Variants in STXBP5L observed in about 807,000 individuals in gnomAD.
The protein encoded by STXBP5L is syntaxin binding protein 5L.
Under a neutral mutation model 144.5 loss-of-function variants are expected in STXBP5L, and 65 were observed. That is an observed-to-expected ratio of 0.45 (90% confidence interval 0.37 to 0.55). The LOEUF is 0.55. STXBP5L is among the 20% of genes least tolerant of loss of function. STXBP5L has a pLI of 0.00. For missense variants in STXBP5L, 1,298 were observed against 1,405.5 expected (o/e 0.92, Z 1.22); for synonymous variants, 505 against 469.6 (o/e 1.08, Z -0.97).
chr3:120,991,030 A>G (rs1942802924), intron 3 of STXBP5L, among the ~76,000 whole-genome samples: 1 of 152,054 alleles, frequency 6.6e-6, no homozygotes, highest in Admixed American at 6.6e-5. Flanking sequence ...AACTACCATC[A>G]GAGTGAACAG....
intron 11 of STXBP5L, among the ~76,000 whole-genome samples, chr3:121,226,357 T>G (rs1358442863): frequency 6.6e-6 from 1 of 152,170 alleles, no homozygotes; most frequent in East Asian, 1.9e-4. Context: ...CATAGTTTGC[T>G]AGACTCTTTG....
chr3:121,230,004 T>TA (rs1320104025), intron 11 of STXBP5L, among the ~76,000 whole-genome samples: 3 of 152,224 alleles, frequency 2.0e-5, no homozygotes, highest in Non-Finnish European at 4.4e-5. Context: ...TTTCAGTTTT[T>TA]ATCGTATTTG....
intron 18 of STXBP5L, among the ~76,000 whole-genome samples, chr3:121,261,812 G>C (rs1441802911): frequency 6.6e-6 from 1 of 152,128 alleles, no homozygotes; most frequent in Non-Finnish European, 1.5e-5. Flanking sequence ...TGAAATGTTA[G>C]AGACTTTGTC....
chr3:121,070,498 AC>A (rs2041760839), intron 5 of STXBP5L, among the ~76,000 whole-genome samples: 1 of 152,160 alleles, frequency 6.6e-6, no homozygotes, highest in South Asian at 2.1e-4. Context: ...TTCTATTACT[AC>A]TACTATTAGG....
intron 9 of STXBP5L, among the ~76,000 whole-genome samples, chr3:121,175,387 A>G (rs1021332312): frequency 6.6e-6 from 1 of 152,174 alleles, no homozygotes; most frequent in Admixed American, 6.6e-5. Context: ...TTCATCTCCA[A>G]GCATAAAAAT....
intron 20 of STXBP5L, among the ~76,000 whole-genome samples, chr3:121,377,363 G>T (rs2046213629): frequency 6.6e-6 from 1 of 152,160 alleles, no homozygotes; most frequent in Admixed American, 6.6e-5. Context: ...AAGAGCTTCT[G>T]CACAGCAAAA....
intron 22 of STXBP5L, among the ~76,000 whole-genome samples, chr3:121,394,124 C>T (rs576663223): frequency 2.3e-4 from 35 of 151,798 alleles, no homozygotes; most frequent in Admixed American, 3.9e-4. Context: ...TTAAATTTTC[C>T]GTGTAGCAAT....
intron 7 of STXBP5L, among the ~76,000 whole-genome samples, chr3:121,150,817 G>A (rs981226794): frequency 1.3e-5 from 2 of 152,106 alleles, no homozygotes; most frequent in Admixed American, 1.3e-4. Context: ...GCTGGGCATG[G>A]TGACTCATGC....
intron 3 of STXBP5L, among the ~76,000 whole-genome samples, chr3:121,037,792 C>G (rs187570314): frequency 5.9e-5 from 9 of 151,818 alleles, no homozygotes; most frequent in Non-Finnish European, 1.3e-4. Context: ...GGTATCTTGA[C>G]CTGGAGTTTT....
intron 23 of STXBP5L, 115 bp from the exon 24 acceptor site, chr3:121,413,043 T>G (rs2047154854): frequency 1.1e-6 from 1 of 903,708 alleles, no homozygotes; most frequent in African/African-American, 1.8e-5. Flanking sequence ...AATATAAAAA[T>G]AAAAAAATAA....
intron 19 of STXBP5L, among the ~76,000 whole-genome samples, chr3:121,293,671 C>T (rs931569806): frequency 2.0e-5 from 3 of 152,096 alleles, no homozygotes; most frequent in Non-Finnish European, 4.4e-5. Flanking sequence ...ACAAGCCTGG[C>T]CAATATGGCG....
At chr3:121,108,167 GT>G (rs1559755013) in intron 5 of STXBP5L, among the ~76,000 whole-genome samples, 1 of 152,142 alleles carries the variant, frequency 6.6e-6, no homozygotes, top group Non-Finnish European at 1.5e-5. Flanking sequence ...AACAGAGACA[GT>G]TTGACTTCCT....
In STXBP5L at chr3:120,958,256, G is replaced by A. The variant is rs541078852; in HGVS notation, c.287+3219G>A. On this transcript the variant is annotated intron_variant, in intron 3 of 26. Transcript: ENST00000471454. Reference sequence around the variant, plus strand: ...ACCAATAACAGGATCTGAAATTGAGGCAATAATTAATAGCTTACCAACCAA... The same window carrying A: ...ACCAATAACAGGATCTGAAATTGAGACAATAATTAATAGCTTACCAACCAA... 4.2e-3 allele frequency among the ~76,000 whole-genome samples: 644 copies of A among 152,234 alleles called. 5 individuals are homozygous for A. Among genetic ancestry groups the A allele is most frequent in the African/African-American group, 0.015 (615 of 41,538 alleles).
chr3:121,289,209 T>C (rs537782971), intron 19 of STXBP5L, among the ~76,000 whole-genome samples: 12 of 152,232 alleles, frequency 7.9e-5, no homozygotes, highest in Middle Eastern at 3.4e-3. Context: ...TAGCTATTCT[T>C]ATATCAGACA....
rs909081816 is a variant in STXBP5L at position 121,318,549 on chromosome 3, G to A, written c.2176+9G>A. 1 of 1,534,728 alleles carries A rather than the reference G, an allele frequency of 6.5e-7. No homozygotes were observed. Among genetic ancestry groups the A allele is most frequent in the South Asian group, 1.3e-5 (1 of 75,968 alleles). Reference sequence around the variant, plus strand: ...CAAGTCTCCTACCTCAGGTAAACATGAGTGGTATTTTGCAGACTTCTGGTA... The same window carrying A: ...CAAGTCTCCTACCTCAGGTAAACATAAGTGGTATTTTGCAGACTTCTGGTA... On this transcript the variant is annotated intron_variant, in intron 20 of 26. Coordinates refer to ENST00000471454, the MANE Select transcript of STXBP5L (RefSeq NM_001308330.2).
At chr3:121,358,933 G>A (rs1308493733) in intron 20 of STXBP5L, among the ~76,000 whole-genome samples, 3 of 152,088 alleles carry the variant, frequency 2.0e-5, no homozygotes, top group Non-Finnish European at 4.4e-5. Context: ...GATAGTAGAT[G>A]TCTTTTCAAT....
intron 3 of STXBP5L, among the ~76,000 whole-genome samples, chr3:120,979,713 T>G (rs1941543625): frequency 6.6e-6 from 1 of 152,172 alleles, no homozygotes. Flanking sequence ...ATCCTTTGTA[T>G]TTTTGTTTGG....
rs567967753 is a variant in STXBP5L, at chr3:121,045,378, TA to T, written c.370-50del. ...TTGAGTAAATTAGCTTGTTTGTGAT[TA>T]AAAAAACCCTAAATTAAGTAAATCA... On this transcript the variant is annotated intron_variant, in intron 4 of 26. Transcript: ENST00000471454. 2.5e-5 allele frequency: 37 copies of T among 1,503,692 alleles called. No individual in the cohort carries two copies. In the East Asian group the frequency reaches 3.5e-4, roughly 14 times the overall value. The allele number at this position is 1,503,692 out of a possible 1,614,324, so 93.1% of individuals were successfully genotyped here.
At chr3:121,238,931 CT>C (rs748006896) in intron 12 of STXBP5L, 39 bp from the exon 13 acceptor site, 71 of 1,462,530 alleles carry the variant, frequency 4.9e-5, no homozygotes, top group Middle Eastern at 1.8e-4. Flanking sequence ...CTGTTTTTTT[CT>C]TTGTAAAATA....
Sources: allele counts gnomAD v4.1 joint callset (sites outside exome capture counted in the v4.1 genomes callset), GRCh38; gene constraint gnomAD v4.1.1; transcripts MANE v1.5; gene names NCBI Gene and HGNC (gene_info 2026-07-23, HGNC 2026-07-21).